The following TNR variants were observed in gnomAD, a reference collection of about 807,000 sequenced individuals.
TNR encodes tenascin R.
A neutral mutation model predicts 150.4 loss-of-function variants in TNR; 45 were observed. The ratio of observed to expected loss-of-function variants is 0.30; its 90% CI spans 0.24 to 0.38. TNR has a LOEUF of 0.38. TNR is among the 10% of genes least tolerant of loss of function. The pLI is 1.00. For synonymous variants in TNR, 687 were observed against 678.4 expected (o/e 1.01, Z -0.20); for missense variants, 1,544 against 1,759.1 (o/e 0.88, Z 2.19).
At chr1:175,712,702 C>T (rs1443231014) in intron 1 of TNR, among the ~76,000 whole-genome samples, 1 of 151,734 alleles carries the variant, frequency 6.6e-6, no homozygotes, top group Non-Finnish European at 1.5e-5. Context: ...ATCACCCACC[C>T]TCTCTCTCTT....
intron 18 of TNR, among the ~76,000 whole-genome samples, chr1:175,345,753 G>T (rs553100420): frequency 6.6e-6 from 1 of 151,786 alleles, no homozygotes; most frequent in Non-Finnish European, 1.5e-5. Flanking sequence ...AAATAAAAGA[G>T]GAGAAAGTGC....
chr1:175,541,101 C>A (rs956509264), intron 1 of TNR, among the ~76,000 whole-genome samples: 1 of 152,144 alleles, frequency 6.6e-6, no homozygotes, highest in South Asian at 2.1e-4. Flanking sequence ...ACTATTTATT[C>A]TCCAGAATTC....
chr1:175,603,481 A>G (rs1279889493), intron 1 of TNR, among the ~76,000 whole-genome samples: 1 of 152,250 alleles, frequency 6.6e-6, no homozygotes, highest in East Asian at 1.9e-4. Context: ...CAGTCACTGT[A>G]GCAATTACTG....
At chr1:175,680,678 G>T (rs1407205095) in intron 1 of TNR, among the ~76,000 whole-genome samples, 3 of 152,100 alleles carry the variant, frequency 2.0e-5, no homozygotes, top group African/African-American at 7.2e-5. Flanking sequence ...TACAAAAGAG[G>T]TGCAATAAGG....
chr1:175,392,142 A>G (rs935740815), intron 6 of TNR, among the ~76,000 whole-genome samples: 1 of 152,012 alleles, frequency 6.6e-6, no homozygotes, highest in African/African-American at 2.4e-5. Context: ...AATGAGAAAG[A>G]GTAACTTGAC....
At chr1:175,503,794 G>C (rs1272515767) in intron 2 of TNR, among the ~76,000 whole-genome samples, 2 of 152,240 alleles carry the variant, frequency 1.3e-5, no homozygotes, top group Non-Finnish European at 2.9e-5. Context: ...CCTGGGAGGA[G>C]GGAGGAGACA....
At chr1:175,536,290 A>G (rs998129570) in intron 1 of TNR, among the ~76,000 whole-genome samples, 5 of 152,186 alleles carry the variant, frequency 3.3e-5, no homozygotes, top group Admixed American at 2.6e-4. Context: ...GGCATGATCC[A>G]TATTTTTTAT....
At chr1:175,546,881 AC>A (rs1468657468) in intron 1 of TNR, among the ~76,000 whole-genome samples, 1 of 152,216 alleles carries the variant, frequency 6.6e-6, no homozygotes, top group Non-Finnish European at 1.5e-5. Context: ...GCAAGTGGGC[AC>A]AGGCTCACCT....
intron 19 of TNR, among the ~76,000 whole-genome samples, chr1:175,336,813 T>C (rs1317113760): frequency 3.3e-5 from 5 of 152,218 alleles, no homozygotes; most frequent in African/African-American, 1.2e-4. Flanking sequence ...CAATCCTCAA[T>C]TGGAGGCTTC....
intron 2 of TNR, among the ~76,000 whole-genome samples, chr1:175,422,667 A>C (rs1571417688): frequency 6.6e-6 from 1 of 151,896 alleles, no homozygotes; most frequent in African/African-American, 2.4e-5. Context: ...CTCCCCCCTA[A>C]CCCCAGTTTC....
intron 1 of TNR, among the ~76,000 whole-genome samples, chr1:175,717,705 C>T (rs190001193): frequency 8.5e-5 from 13 of 152,342 alleles, no homozygotes; most frequent in African/African-American, 2.6e-4. Flanking sequence ...GAGACATCTG[C>T]TTTCCTAACT....
chr1:175,547,640 AAAGAAAGAAAGGAAG>A (rs1174678661), intron 1 of TNR, among the ~76,000 whole-genome samples: 2 of 141,720 alleles, frequency 1.4e-5, no homozygotes, highest in Non-Finnish European at 3.0e-5. Context: ...AAAGAAAGAG[AAAGAAAGAAAGGAAG>A]AAGAAAGAAA....
At chr1:175,529,049 A>G (rs1388342001) in intron 1 of TNR, among the ~76,000 whole-genome samples, 1 of 152,222 alleles carries the variant, frequency 6.6e-6, no homozygotes, top group Non-Finnish European at 1.5e-5. Context: ...GAGCCTTCTG[A>G]GTAAGCAAAT....
intron 1 of TNR, among the ~76,000 whole-genome samples, chr1:175,603,633 C>T (rs891965085): frequency 6.6e-5 from 10 of 152,214 alleles, no homozygotes; most frequent in African/African-American, 1.9e-4. Flanking sequence ...ACATACCCCA[C>T]GTCTTTGGGG....
intron 1 of TNR, among the ~76,000 whole-genome samples, chr1:175,558,510 A>G (rs944178208): frequency 6.6e-6 from 1 of 152,170 alleles, no homozygotes; most frequent in Admixed American, 6.5e-5. Context: ...AGTGCATTAA[A>G]CAGACTTTAA....
chr1:175,393,653 C>A, intron 6 of TNR, 127 bp downstream of exon 6: 1 of 770,508 alleles, frequency 1.3e-6, no homozygotes, highest in Non-Finnish European at 2.3e-6. Context: ...CCACAACATG[C>A]CATTTTGTGT....
chr1:175,613,589 G>T (rs1663669312), intron 1 of TNR, among the ~76,000 whole-genome samples: 2 of 152,034 alleles, frequency 1.3e-5, no homozygotes, highest in African/African-American at 2.4e-5. Context: ...TGATTCCAGA[G>T]GACCTGTTGC....
At chr1:175,524,408 A>C (rs533822605) in intron 2 of TNR, among the ~76,000 whole-genome samples, 1 of 152,210 alleles carries the variant, frequency 6.6e-6, no homozygotes, top group African/African-American at 2.4e-5. Flanking sequence ...CAGGAAATCA[A>C]GGGAAAGCTT....
At chr1:175,613,455 C>T (rs1663662652) in intron 1 of TNR, among the ~76,000 whole-genome samples, 1 of 151,430 alleles carries the variant, frequency 6.6e-6, no homozygotes, top group South Asian at 2.1e-4. Flanking sequence ...CTCCATCAAC[C>T]CCACCCCATC....
Sources: gnomAD v4.1 joint callset for allele counts (sites outside exome capture counted in the v4.1 genomes callset) on GRCh38, gnomAD v4.1.1 for gene constraint, MANE v1.5 for transcripts, NCBI Gene and HGNC (gene_info 2026-07-23, HGNC 2026-07-21) for gene names.